The following CCSER1 variants were observed in gnomAD, a reference collection of about 807,000 sequenced individuals.
CCSER1 encodes coiled-coil serine rich protein 1, also known as serine-rich coiled-coil domain-containing protein 1.
In CCSER1, 41 loss-of-function variants were observed where a neutral mutation model predicts 82.0. The observed-to-expected ratio is 0.50, with a 90% CI of 0.39 to 0.65. CCSER1 has a LOEUF of 0.65. CCSER1 is among the 30% of genes least tolerant of loss of function. The pLI, the probability that CCSER1 is intolerant of heterozygous loss-of-function variation, is 0.00. For synonymous variants in CCSER1, 414 were observed against 383.9 expected (o/e 1.08, Z -0.92); for missense variants, 1,119 against 1,064.2 (o/e 1.05, Z -0.72).
At chr4:91,271,010 A>G (rs531336482) in intron 10 of CCSER1, among the ~76,000 whole-genome samples, 1 of 152,252 alleles carries the variant, frequency 6.6e-6, no homozygotes, top group East Asian at 1.9e-4. Flanking sequence ...CTGAACACTA[A>G]CTTATTCTTA....
intron 10 of CCSER1, among the ~76,000 whole-genome samples, chr4:91,300,206 A>G (rs1469799998): frequency 1.3e-5 from 2 of 152,006 alleles, no homozygotes; most frequent in East Asian, 1.9e-4. Flanking sequence ...GATCACATAT[A>G]TGAACTATAA....
chr4:90,501,249 T>G (rs557258985), intron 5 of CCSER1, among the ~76,000 whole-genome samples: 1 of 152,266 alleles, frequency 6.6e-6, no homozygotes, highest in Admixed American at 6.5e-5. Flanking sequence ...AAAGATTTCA[T>G]AGTAGTAATA....
At chr4:90,479,747 G>A (rs1277311390) in intron 5 of CCSER1, among the ~76,000 whole-genome samples, 2 of 152,146 alleles carry the variant, frequency 1.3e-5, no homozygotes, top group Non-Finnish European at 2.9e-5. Flanking sequence ...CGGTGTATAT[G>A]TGCCACATTT....
chr4:91,143,071 G>A (rs6858748), intron 10 of CCSER1, among the ~76,000 whole-genome samples: 109,339 of 151,778 alleles, frequency 0.72, 39,720 homozygotes, highest in Non-Finnish European at 0.78. Context: ...GCTTTGGGCA[G>A]TAGGGCCATT....
At chr4:90,890,743 G>C (rs1561313115) in intron 8 of CCSER1, among the ~76,000 whole-genome samples, 3 of 152,116 alleles carry the variant, frequency 2.0e-5, no homozygotes, top group South Asian at 4.1e-4. Context: ...TCTCCTCAGA[G>C]TACTTCCTAA....
intron 1 of CCSER1, among the ~76,000 whole-genome samples, chr4:90,291,263 G>C (rs1730893739): frequency 6.6e-6 from 1 of 151,976 alleles, no homozygotes; most frequent in Non-Finnish European, 1.5e-5. Flanking sequence ...GCATGTTTCT[G>C]AGTGAAGTAC....
chr4:91,140,499 T>G (rs557629165), intron 10 of CCSER1, among the ~76,000 whole-genome samples: 1 of 152,220 alleles, frequency 6.6e-6, no homozygotes, highest in South Asian at 2.1e-4. Context: ...ATATTTACAT[T>G]CTTCTTTTCT....
At chr4:91,290,150 A>G (rs1244573189) in intron 10 of CCSER1, among the ~76,000 whole-genome samples, 2 of 152,014 alleles carry the variant, frequency 1.3e-5, no homozygotes, top group Non-Finnish European at 2.9e-5. Flanking sequence ...TGGAAGGGAA[A>G]TTGAAGTTTT....
chr4:90,704,803 A>G (rs936782393), intron 6 of CCSER1, among the ~76,000 whole-genome samples: 1 of 152,144 alleles, frequency 6.6e-6, no homozygotes, highest in African/African-American at 2.4e-5. Flanking sequence ...CGTAGTTCTC[A>G]TGGCATGGTT....
chr4:90,767,417 T>C (rs973223577), intron 7 of CCSER1, among the ~76,000 whole-genome samples: 1 of 152,178 alleles, frequency 6.6e-6, no homozygotes, highest in Non-Finnish European at 1.5e-5. Flanking sequence ...TTGCTCTACT[T>C]TGAAAATTAC....
chr4:90,444,708 T>A (rs1760380220), intron 4 of CCSER1, among the ~76,000 whole-genome samples: 1 of 152,048 alleles, frequency 6.6e-6, no homozygotes, highest in South Asian at 2.1e-4. Flanking sequence ...CATCAATAAT[T>A]CAAGACAGAA....
chr4:90,894,834 GT>G (rs1337602391), intron 8 of CCSER1, among the ~76,000 whole-genome samples: 1 of 151,970 alleles, frequency 6.6e-6, no homozygotes, highest in Non-Finnish European at 1.5e-5. Context: ...AGTGATTACA[GT>G]TGGCAGTGCT....
chr4:90,683,815 G>A (rs1734317809), intron 6 of CCSER1, among the ~76,000 whole-genome samples: 1 of 152,004 alleles, frequency 6.6e-6, no homozygotes, highest in Non-Finnish European at 1.5e-5. Context: ...GTCTCAAGTA[G>A]TAAACTAATG....
chr4:91,084,966 C>T (rs1324471568), intron 9 of CCSER1, among the ~76,000 whole-genome samples: 1 of 151,946 alleles, frequency 6.6e-6, no homozygotes, highest in Non-Finnish European at 1.5e-5. Context: ...CTATGAAATA[C>T]TTAACTACAA....
intron 5 of CCSER1, among the ~76,000 whole-genome samples, chr4:90,568,759 C>CTT (rs111904355): frequency 6.7e-5 from 9 of 134,512 alleles, no homozygotes; most frequent in South Asian, 2.3e-4. Context: ...TCCTCTCTTG[C>CTT]TTTTTTTTTT....
chr4:91,056,031 C>G (rs1469456140), intron 9 of CCSER1, among the ~76,000 whole-genome samples: 3 of 151,990 alleles, frequency 2.0e-5, no homozygotes, highest in African/African-American at 4.8e-5. Context: ...CAGATTTTCT[C>G]TTTGGTTACT....
chr4:90,240,751 A>C (rs557797330), intron 1 of CCSER1, among the ~76,000 whole-genome samples: 1 of 152,300 alleles, frequency 6.6e-6, no homozygotes, highest in Admixed American at 6.5e-5. Context: ...TAAGAATGTC[A>C]TGTTGCTTTC....
intron 1 of CCSER1, among the ~76,000 whole-genome samples, chr4:90,251,044 A>G (rs1722286076): frequency 1.3e-5 from 2 of 151,864 alleles, no homozygotes; most frequent in African/African-American, 4.8e-5. Flanking sequence ...GTATCTGTCA[A>G]CCTTATCAAA....
At chr4:91,496,682 AAT>A (rs761292826) in intron 10 of CCSER1, among the ~76,000 whole-genome samples, 853 of 17,122 alleles carry the variant, frequency 0.05, 224 homozygotes, top group African/African-American at 0.098. Context: ...AATATATTTG[AAT>A]ATATATATAT....
Sources: gnomAD v4.1 joint callset for allele counts (sites outside exome capture counted in the v4.1 genomes callset) on GRCh38, gnomAD v4.1.1 for gene constraint, MANE v1.5 for transcripts, NCBI Gene and HGNC (gene_info 2026-07-23, HGNC 2026-07-21) for gene names.